The following CHST12 variants were observed in gnomAD, a reference collection of about 807,000 sequenced individuals.
CHST12 encodes carbohydrate (chondroitin 4) sulfotransferase 12.
In CHST12, 23 loss-of-function variants were observed where a neutral mutation model predicts 27.9. The observed-to-expected ratio is 0.82, with a 90% CI of 0.59 to 1.17. The LOEUF is 1.17. CHST12 is among the 50% of genes most tolerant of loss of function. CHST12 has a pLI of 0.00. For synonymous variants in CHST12, 322 were observed against 273.0 expected, an observed-to-expected ratio of 1.18 and a Z score of -1.77; for missense variants, 682 against 603.0, an observed-to-expected ratio of 1.13 and a Z score of -1.37.
intron 1 of CHST12, among the ~76,000 whole-genome samples, chr7:2,410,127 G>A (rs1173229680): frequency 6.6e-6 from 1 of 152,118 alleles, no homozygotes; most frequent in Non-Finnish European, 1.5e-5. Context: ...AAAACATACC[G>A]ACCAGTAGAG....
Position 2,433,544 on chromosome 7 carries a change from A to T in CHST12, c.905A>T (p.Asn302Ile), listed in dbSNP as rs762671753. ...GCTGGCCTCAAGGTGTCCTTCGCCA[A>T]CTTCATCCAGTACCTGCTGGACCCG... Reference protein sequence around the residue: ...FRAGLKVSFANFIQYLLDPHT... With the variant: ...FRAGLKVSFAIFIQYLLDPHT... The change falls in exon 2 of 2, where the codon AAC becomes ATC. Residue 302 changes from asparagine (N) to isoleucine (I), a missense_variant. Asn to Ile is a moderately radical substitution (Grantham distance 149). Coordinates refer to ENST00000618655, the MANE Select transcript of CHST12 (RefSeq NM_018641.5). The surrounding 1 kb of genome is among the most constrained non-coding windows in gnomAD (Gnocchi z 6.1). 2 of 1,613,164 alleles carry T rather than the reference A, an allele frequency of 1.2e-6. No homozygotes were observed. The highest frequency in any genetic ancestry group is 4.5e-5 in the East Asian group (2 of 44,886).
rs112613463 is a variant in CHST12 at position 2,405,150 on chromosome 7, G to C, written c.-78+1477G>C. On this transcript the variant is annotated intron_variant, in intron 1 of 1. Coordinates refer to ENST00000618655, the MANE Select transcript of CHST12 (RefSeq NM_018641.5). Reference sequence around the variant, plus strand: ...GTGGGGTTTGAGGATTGGGTTGGAAGCTAAGACTGGAAGGCCGGGCGAGGT... The same window carrying C: ...GTGGGGTTTGAGGATTGGGTTGGAACCTAAGACTGGAAGGCCGGGCGAGGT... 5.1e-4 allele frequency among the ~76,000 whole-genome samples: 77 copies of C among 152,268 alleles called. No homozygotes were observed. The East Asian group carries it at 6.7e-3, about 13-fold the overall frequency.
chr7:2,416,485 T>C (rs143199662), intron 1 of CHST12, among the ~76,000 whole-genome samples: 1 of 152,362 alleles, frequency 6.6e-6, no homozygotes, highest in Non-Finnish European at 1.5e-5. Flanking sequence ...TACAGAGGAA[T>C]CACTATGGCA....
At chr7:2,409,256 A>T (rs936723609) in intron 1 of CHST12, among the ~76,000 whole-genome samples, 3 of 152,144 alleles carry the variant, frequency 2.0e-5, no homozygotes, top group Non-Finnish European at 4.4e-5. Flanking sequence ...GTCAGTCGCT[A>T]ATGCCCCAAG....
chr7:2,416,123 C>T (rs1458953501), intron 1 of CHST12, among the ~76,000 whole-genome samples: 2 of 152,208 alleles, frequency 1.3e-5, no homozygotes. Flanking sequence ...ATCTCAGCAG[C>T]GTTCATAGCA....
In CHST12 at chr7:2,432,609, C is replaced by T. The variant is rs951624838; in HGVS notation, c.-31C>T. ...CTCTGCAGGAAGCTGAAGTGAGAGG[C>T]CCGGAGAGGGCCCAGCCCGCCCGGG... is the stretch of plus-strand genomic sequence containing the variant. On this transcript the variant is annotated 5_prime_UTR_variant, in exon 2 of 2. Transcript: ENST00000618655. The T allele has an allele frequency of 3.2e-6, 5 of 1,583,526 alleles. No homozygotes were observed. The African/African-American group carries it at 5.4e-5, about 17-fold the overall frequency.
At chr7:2,432,418 G>A in intron 1 of CHST12, 145 bp from the exon 2 acceptor site, 1 of 592,300 alleles carries the variant, frequency 1.7e-6, no homozygotes, top group Non-Finnish European at 3.0e-6. Flanking sequence ...GCTGACCTCA[G>A]CCTCCAGCCC....
At chr7:2,418,202 T>G (rs761679309) in intron 1 of CHST12, among the ~76,000 whole-genome samples, 1 of 152,256 alleles carries the variant, frequency 6.6e-6, no homozygotes, top group Admixed American at 6.5e-5. Context: ...CTTCATGCCC[T>G]GCATGTTGTG....
rs150119279 is a variant in CHST12, at chr7:2,433,240, C to T, written c.601C>T (p.Arg201Cys). 39 of 1,611,470 alleles carry T rather than the reference C, an allele frequency of 2.4e-5. No homozygotes were observed. The highest frequency in any genetic ancestry group is 1.6e-4 in the Middle Eastern group (1 of 6,080). Residue 201 changes from arginine to cysteine, a missense_variant, in exon 2 of 2, where the codon CGC (arginine) becomes TGC (cysteine). Arg to Cys is a radical substitution (Grantham distance 180). Coordinates refer to ENST00000618655, the MANE Select transcript of CHST12 (RefSeq NM_018641.5). This position sits in a 1 kb window ranked among gnomAD's most constrained non-coding sequence, Gnocchi z 6.1. ...CGGTGCGCCCTACCGCGACCCGCTG[C>T]GCATCCCGCGCGAGCACGTGCACAA... ...HRGAPYRDPL[R>C]IPREHVHNAS...
At chr7:2,416,437 A>G (rs762225489) in intron 1 of CHST12, among the ~76,000 whole-genome samples, 1 of 152,240 alleles carries the variant, frequency 6.6e-6, no homozygotes, top group Non-Finnish European at 1.5e-5. Context: ...TAGAATGGTG[A>G]ATCCTTTCCA....
At position 2,432,725 on chromosome 7, in the gene CHST12, C is replaced by T; in HGVS notation, c.86C>T (p.Ala29Val). The change falls in exon 2 of 2, where the codon GCA becomes GTA. Residue 29 changes from alanine to valine, a missense_variant. By Grantham distance (64) the Ala-to-Val change is moderately conservative (BLOSUM62 0). Transcript: ENST00000618655. Reference protein sequence around the residue: ...ILLIIVYWDSAGAAHFYLHTS... With the variant: ...ILLIIVYWDSVGAAHFYLHTS... ...CTGATCATCGTGTACTGGGACAGCG[C>T]AGGCGCCGCGCACTTCTACTTGCAC... is the stretch of plus-strand genomic sequence containing the variant. The T allele has an allele frequency of 6.2e-7, 1 of 1,613,984 alleles. No individual in the cohort carries two copies. Among genetic ancestry groups the T allele is most frequent in the South Asian group, 1.1e-5 (1 of 91,080 alleles).
rs1364455596 is a variant in CHST12, at chr7:2,439,770, T to A, written c.*5886T>A. The A allele has an allele frequency of 1.3e-5, 2 of 151,688 alleles. No homozygotes were observed. The highest frequency in any genetic ancestry group is 4.8e-5 in the African/African-American group (2 of 41,370). The allele number at this position is 151,688 out of a possible 1,614,324, so 9.4% of individuals were successfully genotyped here. A position where few individuals can be genotyped will look rare whatever the true frequency, so the allele number is the denominator to read the frequency against. On this transcript the variant is annotated 3_prime_UTR_variant, in exon 2 of 2. Coordinates refer to ENST00000618655, the MANE Select transcript of CHST12 (RefSeq NM_018641.5). ...GGTGGGCGCCTGTAGTCCCAGCTAC[T>A]CGGGAGGCTGAGGCAGGAGAATGGC...
rs1173895301 is a variant in CHST12 at position 2,444,699 on chromosome 7, CAAG to C, written c.*10816_*10818del. The C allele has an allele frequency of 5.9e-5, 9 of 152,232 alleles. No homozygotes were observed. The highest frequency in any genetic ancestry group is 2.2e-4 in the African/African-American group (9 of 41,422). 9.4% of individuals were successfully genotyped at this position (152,232 alleles called of 1,614,324 possible). ...ATGGGTTTTTCCGCCCACAGGCACT[CAAG>C]GAGGACAGCATTGGGAGATGGCTGG... On this transcript the variant is annotated 3_prime_UTR_variant, in exon 2 of 2. Coordinates refer to ENST00000618655, the MANE Select transcript of CHST12 (RefSeq NM_018641.5).
At chr7:2,419,707 CAA>C (rs562438536) in intron 1 of CHST12, among the ~76,000 whole-genome samples, 1,046 of 99,838 alleles carry the variant, frequency 0.01, 19 homozygotes, top group African/African-American at 0.028. Context: ...AACTCCGTCT[CAA>C]AAAAAAAAAA....
At chr7:2,424,608 C>G (rs1029956570) in intron 1 of CHST12, among the ~76,000 whole-genome samples, 1 of 152,086 alleles carries the variant, frequency 6.6e-6, no homozygotes, top group Non-Finnish European at 1.5e-5. Context: ...TGGATGCCCT[C>G]GGGAACAGAG....
intron 1 of CHST12, among the ~76,000 whole-genome samples, chr7:2,416,744 GGAGGGGAA>G (rs1009177585): frequency 6.6e-6 from 1 of 152,200 alleles, no homozygotes; most frequent in African/African-American, 2.4e-5. Context: ...AAAGTAGGCA[GGAGGGGAA>G]GAGGGGAAGA....
chr7:2,441,962 C>T lies in CHST12; in HGVS notation c.*8078C>T, dbSNP rs956586436. 1 of 150,314 alleles carries T rather than the reference C, an allele frequency of 6.7e-6. No homozygotes were observed. The highest frequency in any genetic ancestry group is 1.5e-5 in the Non-Finnish European group (1 of 67,878). 9.3% of individuals were successfully genotyped at this position (150,314 alleles called of 1,614,324 possible). A position where few individuals can be genotyped will look rare whatever the true frequency, so the allele number is the denominator to read the frequency against. On this transcript the variant is annotated 3_prime_UTR_variant, in exon 2 of 2. Transcript: ENST00000618655. ...CATTAAGCACATTCAGTTTGCCTGC[C>T]ACCGTTACCACCATCCATCTCCAAA... is the stretch of plus-strand genomic sequence containing the variant.
chr7:2,429,275 ATGTTGGCCAGGCTGGTCTTGAACTCCT>A (rs1375479810), intron 1 of CHST12, among the ~76,000 whole-genome samples: 4 of 152,172 alleles, frequency 2.6e-5, no homozygotes, highest in Non-Finnish European at 5.9e-5. Context: ...GGGTTTCGCC[ATGTTGGCCAGGCTGGTCTTGAACTCCT>A]TGACCTCAGG....
chr7:2,421,227 CTTTTTTTT>C (rs60332594), intron 1 of CHST12, among the ~76,000 whole-genome samples: 10 of 92,010 alleles, frequency 1.1e-4, no homozygotes, highest in Non-Finnish European at 1.4e-4. Context: ...CCTGCTAATT[CTTTTTTTT>C]TTTTTTTTTT....
Sources: gnomAD v4.1 joint callset for allele counts (sites outside exome capture counted in the v4.1 genomes callset) on GRCh38, gnomAD v4.1.1 for gene constraint, Gnocchi (gnomAD v3.1) non-coding constraint, MANE v1.5 for transcripts, NCBI Gene and HGNC (gene_info 2026-07-23, HGNC 2026-07-21) for gene names.